The following FRMD5 variants were observed in gnomAD, a reference collection of about 807,000 sequenced individuals.
FRMD5 encodes the protein FERM domain containing 5.
FRMD5 carries 20 observed loss-of-function variants against 69.0 expected under a neutral mutation model. The observed-to-expected ratio is 0.29, with a 90% CI of 0.20 to 0.42. FRMD5 has a LOEUF of 0.42. Ranked by LOEUF, FRMD5 falls within the 10% of genes least tolerant of loss-of-function variation. The pLI is 1.00. For missense variants in FRMD5, 595 were observed against 708.6 expected, an observed-to-expected ratio of 0.84 and a Z score of 1.82; for synonymous variants, 271 against 260.1, an observed-to-expected ratio of 1.04 and a Z score of -0.40.
chr15:43,889,651 A>T (rs1004391653), intron 8 of FRMD5, among the ~76,000 whole-genome samples: 2 of 152,158 alleles, frequency 1.3e-5, no homozygotes, highest in Non-Finnish European at 2.9e-5. Context: ...TCCTGCTCTC[A>T]GCCTTGGTTA....
intron 1 of FRMD5, among the ~76,000 whole-genome samples, chr15:43,929,938 G>A (rs2140462167): frequency 6.6e-6 from 1 of 152,286 alleles, no homozygotes; most frequent in Admixed American, 6.5e-5. Context: ...TGTTACAGAG[G>A]AACAGCCACA....
intron 1 of FRMD5, among the ~76,000 whole-genome samples, chr15:44,159,713 T>C (rs771216058): frequency 6.6e-5 from 10 of 152,224 alleles, no homozygotes; most frequent in Non-Finnish European, 1.0e-4. Context: ...GTTTGAAAGC[T>C]TGTGGACAAA....
chr15:44,159,543 G>A (rs1192737623), intron 1 of FRMD5, among the ~76,000 whole-genome samples: 1 of 152,168 alleles, frequency 6.6e-6, no homozygotes, highest in East Asian at 1.9e-4. Flanking sequence ...AAGGGATCTT[G>A]GAGCCTAAAG....
chr15:44,193,151 C>T (rs556028719), intron 1 of FRMD5, among the ~76,000 whole-genome samples: 1 of 152,276 alleles, frequency 6.6e-6, no homozygotes, highest in South Asian at 2.1e-4. Flanking sequence ...TTTAAAACCA[C>T]AAGGTTAACA....
chr15:43,894,698 GC>G (rs1266712056), intron 7 of FRMD5, among the ~76,000 whole-genome samples: 2 of 152,058 alleles, frequency 1.3e-5, no homozygotes, highest in Admixed American at 1.3e-4. Context: ...GCAGCGGAGG[GC>G]CCCCCTCTGC....
At chr15:43,963,611 T>C (rs1489825482) in intron 1 of FRMD5, among the ~76,000 whole-genome samples, 2 of 152,236 alleles carry the variant, frequency 1.3e-5, no homozygotes, top group African/African-American at 4.8e-5. Context: ...TGCACACGTA[T>C]GTTTATTGCG....
chr15:43,892,549 T>C (rs1392180055), intron 7 of FRMD5, among the ~76,000 whole-genome samples: 1 of 152,226 alleles, frequency 6.6e-6, no homozygotes, highest in Admixed American at 6.5e-5. Flanking sequence ...CAGCAGTATG[T>C]GTTAAGAGCT....
chr15:44,134,636 G>A (rs535961181), intron 1 of FRMD5, among the ~76,000 whole-genome samples: 2 of 152,252 alleles, frequency 1.3e-5, no homozygotes, highest in South Asian at 2.1e-4. Flanking sequence ...TTTTAGTAGA[G>A]ACAGGGTTTC....
At chr15:43,965,172 A>C (rs959808989) in intron 1 of FRMD5, among the ~76,000 whole-genome samples, 3 of 152,214 alleles carry the variant, frequency 2.0e-5, no homozygotes, top group Non-Finnish European at 4.4e-5. Context: ...TACAGAGTAC[A>C]GAGGCAGGGC....
At chr15:44,054,584 T>C (rs1892794070) in intron 1 of FRMD5, among the ~76,000 whole-genome samples, 1 of 152,236 alleles carries the variant, frequency 6.6e-6, no homozygotes, top group Admixed American at 6.5e-5. Flanking sequence ...AGAATTATTC[T>C]AGCTATAATA....
chr15:44,116,806 G>A (rs555290830), intron 1 of FRMD5, among the ~76,000 whole-genome samples: 1 of 152,264 alleles, frequency 6.6e-6, no homozygotes, highest in African/African-American at 2.4e-5. Flanking sequence ...CACGGGCTGG[G>A]TGCAGTGGCT....
At chr15:44,107,087 A>C (rs1038536563) in intron 1 of FRMD5, among the ~76,000 whole-genome samples, 1 of 152,152 alleles carries the variant, frequency 6.6e-6, no homozygotes, top group Non-Finnish European at 1.5e-5. Flanking sequence ...GGGACCACCC[A>C]GGGCCCCAGC....
intron 4 of FRMD5, among the ~76,000 whole-genome samples, chr15:43,915,188 A>G (rs908274763): frequency 1.3e-5 from 2 of 152,238 alleles, no homozygotes; most frequent in African/African-American, 4.8e-5. Context: ...CCACTGCCAT[A>G]GTTTCCAATG....
chr15:44,098,896 T>C (rs2076595123), intron 1 of FRMD5, among the ~76,000 whole-genome samples: 1 of 152,272 alleles, frequency 6.6e-6, no homozygotes, highest in African/African-American at 2.4e-5. Context: ...TATTTGCTAC[T>C]TATATAAAGA....
At position 43,928,398 on chromosome 15, in the gene FRMD5, G is replaced by C. The variant is rs113453187; in HGVS notation, c.103-4089C>G. 2.9e-3 allele frequency among the ~76,000 whole-genome samples: 435 copies of C among 152,302 alleles called. 2 individuals carry two copies. Among genetic ancestry groups the C allele is most frequent in the African/African-American group, 9.9e-3 (410 of 41,552 alleles). On this transcript the variant is annotated intron_variant, in intron 1 of 13. Coordinates refer to ENST00000417257, the MANE Select transcript of FRMD5 (RefSeq NM_032892.5). ...AGGTAGAATCAACTTAGAGCTCTGC[G>C]CAGAGGCACCTTTCACAGAGGGTTG...
intron 1 of FRMD5, among the ~76,000 whole-genome samples, chr15:44,132,388 C>T (rs1186390719): frequency 6.6e-6 from 1 of 152,140 alleles, no homozygotes; most frequent in East Asian, 1.9e-4. Flanking sequence ...AGAAGAGTTA[C>T]TGGGGACAGA....
chr15:43,940,031 G>T (rs1040992228), intron 1 of FRMD5, among the ~76,000 whole-genome samples: 1 of 152,144 alleles, frequency 6.6e-6, no homozygotes, highest in Non-Finnish European at 1.5e-5. Context: ...ACAAAAATTA[G>T]CCAGGCTTGG....
At chr15:44,136,450 C>A (rs1250812033) in intron 1 of FRMD5, among the ~76,000 whole-genome samples, 1 of 152,124 alleles carries the variant, frequency 6.6e-6, no homozygotes, top group African/African-American at 2.4e-5. Context: ...TGGAGAAGGA[C>A]TTTATTTCTC....
At chr15:44,062,593 AG>A (rs1893134194) in intron 1 of FRMD5, among the ~76,000 whole-genome samples, 1 of 150,864 alleles carries the variant, frequency 6.6e-6, no homozygotes. Flanking sequence ...CGGGAAGCTG[AG>A]GCAGAGAACT....
Sources: allele counts gnomAD v4.1 joint callset (sites outside exome capture counted in the v4.1 genomes callset), GRCh38; gene constraint gnomAD v4.1.1; transcripts MANE v1.5; gene names NCBI Gene and HGNC (gene_info 2026-07-23, HGNC 2026-07-21).